ESYT3: variants seen among roughly 807,000 people sequenced by gnomAD.
ESYT3 encodes extended synaptotagmin-3.
ESYT3 carries 101 observed loss-of-function variants against 111.5 expected under a neutral mutation model. The ratio of observed to expected loss-of-function variants is 0.91; its 90% CI spans 0.77 to 1.07. The LOEUF (loss-of-function observed/expected upper bound fraction) is 1.07, where lower values mean the gene tolerates loss of function less well. Among genes scored for constraint, ESYT3 ranks in the 50% least tolerant of loss-of-function variants. ESYT3 has a pLI of 0.00. For synonymous variants in ESYT3, 416 were observed against 446.8 expected, an observed-to-expected ratio of 0.93 and a Z score of 0.87; for missense variants, 1,097 against 1,109.4, an observed-to-expected ratio of 0.99 and a Z score of 0.16.
At chr3:138,475,792 G>C (rs879937348) in intron 20 of ESYT3, among the ~76,000 whole-genome samples, 4 of 152,192 alleles carry the variant, frequency 2.6e-5, no homozygotes, top group Non-Finnish European at 4.4e-5. Flanking sequence ...AGCCAGGTGT[G>C]GTGGTGCATG....
At chr3:138,460,690 G>A in intron 7 of ESYT3, 24 bp downstream of exon 7, 1 of 1,613,678 alleles carries the variant, frequency 6.2e-7, no homozygotes, top group Non-Finnish European at 8.5e-7. Context: ...AGAGCCTCGA[G>A]GGAGATCATA....
Position 138,477,016 on chromosome 3 carries a change from A to G in ESYT3, c.*162A>G. The G allele has an allele frequency of 2.0e-6, 1 of 511,554 alleles. No individual in the cohort carries two copies. The highest frequency in any genetic ancestry group is 3.6e-5 in the Admixed American group (1 of 28,126). 31.7% of individuals were successfully genotyped at this position (511,554 alleles called of 1,614,324 possible). A position where few individuals can be genotyped will look rare whatever the true frequency, so the allele number is the denominator to read the frequency against. On this transcript the variant is annotated 3_prime_UTR_variant, in exon 23 of 23. Transcript: ENST00000389567. Reference sequence around the variant, plus strand: ...CAATTCTTGTGTGGAATTTAACTCCATGACTGAATAGCATAAGGAAGAGGT... The same window carrying G: ...CAATTCTTGTGTGGAATTTAACTCCGTGACTGAATAGCATAAGGAAGAGGT...
At chr3:138,441,292 G>C (rs956098879) in intron 1 of ESYT3, among the ~76,000 whole-genome samples, 1 of 152,236 alleles carries the variant, frequency 6.6e-6, no homozygotes, top group African/African-American at 2.4e-5. Context: ...GAGTGTCCAG[G>C]CAACCTTTTC....
intron 17 of ESYT3, among the ~76,000 whole-genome samples, chr3:138,471,384 T>C (rs1049623013): frequency 6.6e-6 from 1 of 152,346 alleles, no homozygotes; most frequent in East Asian, 1.9e-4. Flanking sequence ...ACTAATTCTT[T>C]GGCTATGCCT....
intron 1 of ESYT3, among the ~76,000 whole-genome samples, chr3:138,443,084 C>T (rs1020525778): frequency 2.0e-5 from 3 of 152,188 alleles, no homozygotes; most frequent in Non-Finnish European, 4.4e-5. Flanking sequence ...GCTTTGAGCC[C>T]TTATTCCTTA....
chr3:138,465,285 CAT>C, intron 9 of ESYT3, 52 bp from the exon 10 acceptor site: 4 of 1,381,844 alleles, frequency 2.9e-6, no homozygotes, highest in Non-Finnish European at 4.0e-6. Context: ...CCCTTTGGGT[CAT>C]ATGTCAGGTC....
intron 18 of ESYT3, 185 bp downstream of exon 18, chr3:138,473,044 T>G (rs945077501): frequency 6.9e-7 from 1 of 1,448,038 alleles, no homozygotes; most frequent in African/African-American, 1.4e-5. Context: ...ACAGGCTGTT[T>G]ATGGCTCTAG....
In ESYT3 at chr3:138,477,924, C is replaced by CAA. The variant is rs1312184721; in HGVS notation, c.*1072_*1073dup. 4 of 152,168 alleles carry CAA rather than the reference C, an allele frequency of 2.6e-5. No homozygotes were observed. The highest frequency in any genetic ancestry group is 5.9e-5 in the Non-Finnish European group (4 of 68,028). 9.4% of individuals were successfully genotyped at this position (152,168 alleles called of 1,614,324 possible). On this transcript the variant is annotated 3_prime_UTR_variant, in exon 23 of 23. Coordinates refer to ENST00000389567, the MANE Select transcript of ESYT3 (RefSeq NM_031913.5). ...TCTGAAGCAGGGCAACATTCGAGAA[C>CAA]AAAGTTTTGTCATGTTACTCTTATT...
At position 138,440,857 on chromosome 3, in the gene ESYT3, C is replaced by T. The variant is rs1327482832; in HGVS notation, c.327+5732C>T. On this transcript the variant is annotated intron_variant, in intron 1 of 22. Transcript: ENST00000389567. The surrounding 1 kb of genome is among the most constrained non-coding windows in gnomAD (Gnocchi z 4.2). ...CTATACTCACTCAGCAAGCATTTAT[C>T]GAGAACTTGCAGTGTGTCAGGCACA... Among the ~76,000 whole-genome samples the T allele has an allele frequency of 2.0e-5, 3 of 152,198 alleles. No individual in the cohort carries two copies. The highest frequency in any genetic ancestry group is 7.2e-5 in the African/African-American group (3 of 41,444).
Position 138,452,120 on chromosome 3 carries a change from G to A in ESYT3, c.369+31G>A, listed in dbSNP as rs182078444. The A allele has an allele frequency of 1.4e-3, 2,233 of 1,602,956 alleles. 1 individual carries two copies. Among genetic ancestry groups the A allele is most frequent in the Non-Finnish European group, 1.7e-3 (1,955 of 1,177,074 alleles). On this transcript the variant is annotated intron_variant, in intron 2 of 22. Coordinates refer to ENST00000389567, the MANE Select transcript of ESYT3 (RefSeq NM_031913.5). ...GCCGCTGGCAGGGCCTAGCAGGGCC[G>A]GACGCATGCCAGCCTCGTCCTCCCC...
Position 138,470,952 on chromosome 3 carries a change from C to G in ESYT3, c.1666C>G (p.Leu556Val). ...GTGCCAGATCCTCCCCTATGCTGACCTCACTCTTGAGCAGCGCTTTCAGCT... is the reference window on the plus strand; with the variant it reads ...GTGCCAGATCCTCCCCTATGCTGACGTCACTCTTGAGCAGCGCTTTCAGCT... The part of the protein sequence containing the change: ...PLCQILPYAD[L>V]TLEQRFQLDH... Residue 556 changes from leucine (L) to valine (V), a missense_variant, in exon 17 of 23, where the codon CTC (leucine) becomes GTC (valine). Coordinates refer to ENST00000389567, the MANE Select transcript of ESYT3 (RefSeq NM_031913.5). 1 of 1,614,178 alleles carries G rather than the reference C, an allele frequency of 6.2e-7. No individual in the cohort carries two copies. The highest frequency in any genetic ancestry group is 8.5e-7 in the Non-Finnish European group (1 of 1,180,036).
chr3:138,471,662 A>G (rs1414588969), intron 17 of ESYT3, among the ~76,000 whole-genome samples: 2 of 152,126 alleles, frequency 1.3e-5, no homozygotes, highest in Non-Finnish European at 2.9e-5. Context: ...TTGGATTGCA[A>G]ACATATGTTC....
Position 138,477,029 on chromosome 3 carries a change from A to G in ESYT3, c.*175A>G. On this transcript the variant is annotated 3_prime_UTR_variant, in exon 23 of 23. Transcript: ENST00000389567. ...GAATTTAACTCCATGACTGAATAGC[A>G]TAAGGAAGAGGTTATTTAAAAGCAA... 2 of 466,516 alleles carry G rather than the reference A, an allele frequency of 4.3e-6. No homozygotes were observed. The highest frequency in any genetic ancestry group is 7.4e-6 in the Non-Finnish European group (2 of 268,600). The allele number at this position is 466,516 out of a possible 1,614,324, so 28.9% of individuals were successfully genotyped here.
chr3:138,481,588 G>A (rs1183201487), downstream of ESYT3: 2 of 151,454 alleles, frequency 1.3e-5, no homozygotes, highest in Non-Finnish European at 2.9e-5. Flanking sequence ...AGATGGTCTC[G>A]ATCTCCTGAC....
In ESYT3 at chr3:138,472,517, A is replaced by C. The variant is rs778443878; in HGVS notation, c.1895A>C (p.Asp632Ala). The C allele has an allele frequency of 6.2e-7, 1 of 1,614,156 alleles. No individual in the cohort carries two copies. Among genetic ancestry groups the C allele is most frequent in the East Asian group, 2.2e-5 (1 of 44,884 alleles). The change falls in exon 18 of 23, where the codon GAC becomes GCC. Residue 632 changes from aspartate (D) to alanine (A), a missense_variant. Physicochemically the swap from Asp to Ala is moderately radical, Grantham distance 126 (BLOSUM62 -2). Coordinates refer to ENST00000389567, the MANE Select transcript of ESYT3 (RefSeq NM_031913.5). ...CCTACAGATTTGCCATGTCCCCCAG[A>C]CCCTGCTTCTGATACTAAGGACGTA... is the stretch of plus-strand genomic sequence containing the variant. ...EGPTDLPCPP[D>A]PASDTKDVSR...
At chr3:138,457,240 G>T (rs1327638985) in intron 3 of ESYT3, among the ~76,000 whole-genome samples, 2 of 152,346 alleles carry the variant, frequency 1.3e-5, no homozygotes, top group South Asian at 2.1e-4. Flanking sequence ...TGTGGGGCCA[G>T]TGACTTGACT....
At chr3:138,466,964 G>A (rs925538382) in intron 10 of ESYT3, among the ~76,000 whole-genome samples, 3 of 152,086 alleles carry the variant, frequency 2.0e-5, no homozygotes, top group Non-Finnish European at 4.4e-5. Flanking sequence ...CCATTCATGA[G>A]GGATCTGCCC....
Position 138,460,595 on chromosome 3 carries a change from C to T in ESYT3, c.739-16C>T, listed in dbSNP as rs2032574661. 1.2e-6 allele frequency: 2 copies of T among 1,613,978 alleles called. No individual in the cohort carries two copies. Among genetic ancestry groups the T allele is most frequent in the South Asian group, 2.2e-5 (2 of 91,078 alleles). On this transcript the variant is annotated splice_polypyrimidine_tract_variant and intron_variant, in intron 6 of 22. Transcript: ENST00000389567. ...CCAACCCTTTCCAGCCTAATAGCTT[C>T]CCTCTGCCCCTGAAGCACCTACAGA...
In ESYT3 at chr3:138,473,343, C is replaced by T. The variant is rs567233202; in HGVS notation, c.2238-193C>T. ...ATTCCACTTCAGGGTTCCCGTTCTT[C>T]CTACTATGAAGTAGGATAATTATAC... is the stretch of plus-strand genomic sequence containing the variant. On this transcript the variant is annotated intron_variant, in intron 18 of 22. Coordinates refer to ENST00000389567, the MANE Select transcript of ESYT3 (RefSeq NM_031913.5). The T allele has an allele frequency of 1.0e-4, 66 of 637,388 alleles. 1 individual carries two copies. The highest frequency in any genetic ancestry group is 1.5e-4 in the Non-Finnish European group (62 of 400,878). The allele number at this position is 637,388 out of a possible 1,614,324, so 39.5% of individuals were successfully genotyped here. A position where few individuals can be genotyped will look rare whatever the true frequency, so the allele number is the denominator to read the frequency against.
Sources: gnomAD v4.1 joint callset for allele counts (sites outside exome capture counted in the v4.1 genomes callset) on GRCh38, gnomAD v4.1.1 for gene constraint, Gnocchi (gnomAD v3.1) non-coding constraint, MANE v1.5 for transcripts, NCBI Gene and HGNC (gene_info 2026-07-23, HGNC 2026-07-21) for gene names.